The following XKR9 variants were observed in gnomAD, a reference collection of about 807,000 sequenced individuals.
XKR9 encodes XK-related protein 9.
In XKR9, 32 loss-of-function variants were observed where a neutral mutation model predicts 32.0. That is an observed-to-expected ratio of 1.00 (90% CI 0.76 to 1.34). The LOEUF is 1.34. XKR9 is among the 40% of genes most tolerant of loss of function. The pLI is 0.00. For missense variants in XKR9, 546 were observed against 429.7 expected (o/e 1.27, Z -2.39); for synonymous variants, 168 against 143.4 (o/e 1.17, Z -1.22).
chr8:70,708,257 G>T (rs778062355), intron 4 of XKR9, among the ~76,000 whole-genome samples: 20 of 151,950 alleles, frequency 1.3e-4, no homozygotes, highest in Non-Finnish European at 2.7e-4. Context: ...GAAACTAGAG[G>T]TACAAAATTT....
At chr8:70,941,501 A>G in the XKR9 span, among the ~76,000 whole-genome samples, 3 of 152,122 alleles carry the variant, frequency 2.0e-5, no homozygotes, top group Non-Finnish European at 4.4e-5. Flanking sequence ...GAGCAAGCCA[A>G]CAGAGTTAGC....
chr8:70,728,316 A>T (rs1301224367), intron 4 of XKR9, among the ~76,000 whole-genome samples: 1 of 152,114 alleles, frequency 6.6e-6, no homozygotes, highest in Non-Finnish European at 1.5e-5. Flanking sequence ...GACTTCTCTA[A>T]CTTCTTCCTG....
intron 2 of XKR9, among the ~76,000 whole-genome samples, chr8:70,788,909 A>C (rs1807726827): frequency 6.6e-6 from 1 of 152,102 alleles, no homozygotes; most frequent in Admixed American, 6.6e-5. Context: ...AACAAACTAA[A>C]ATCTGAACAT....
At chr8:70,776,507 G>C (rs1182433118) in intron 2 of XKR9, among the ~76,000 whole-genome samples, 4 of 152,072 alleles carry the variant, frequency 2.6e-5, no homozygotes, top group African/African-American at 9.6e-5. Context: ...GATGCTATCA[G>C]GGTCTTAGAT....
At chr8:70,977,232 T>A in the XKR9 span, among the ~76,000 whole-genome samples, 1 of 152,184 alleles carries the variant, frequency 6.6e-6, no homozygotes, top group African/African-American at 2.4e-5. Flanking sequence ...TTTGTGTCTC[T>A]ATCTCCTTCA....
chr8:70,881,069 T>C, the XKR9 span, among the ~76,000 whole-genome samples: 61 of 152,316 alleles, frequency 4.0e-4, no homozygotes, highest in East Asian at 2.5e-3. Flanking sequence ...GCTAGCCATA[T>C]GTAGAAAACT....
downstream of XKR9, among the ~76,000 whole-genome samples, chr8:70,793,498 C>T (rs7822474): frequency 0.32 from 48,389 of 151,876 alleles, 9,072 homozygotes; most frequent in Non-Finnish European, 0.43. Flanking sequence ...AGAGTACACC[C>T]CACTAGCACA....
the XKR9 span, among the ~76,000 whole-genome samples, chr8:70,938,699 C>T: frequency 4.6e-5 from 7 of 151,954 alleles, no homozygotes; most frequent in East Asian, 1.9e-4. Context: ...TTTCGCTGGC[C>T]GTTTAGTAAC....
chr8:70,876,709 CAA>C, the XKR9 span, among the ~76,000 whole-genome samples: 7 of 151,934 alleles, frequency 4.6e-5, no homozygotes, highest in African/African-American at 1.7e-4. Flanking sequence ...TAGTAAAAAC[CAA>C]AAGAGTAACA....
At chr8:70,757,369 A>G (rs1028655347) in intron 2 of XKR9, among the ~76,000 whole-genome samples, 1 of 151,790 alleles carries the variant, frequency 6.6e-6, no homozygotes, top group Non-Finnish European at 1.5e-5. Context: ...CCAGTTTGCA[A>G]GTTCTTTTTT....
At chr8:70,683,355 C>T (rs1819149572) in intron 3 of XKR9, among the ~76,000 whole-genome samples, 1 of 152,088 alleles carries the variant, frequency 6.6e-6, no homozygotes, top group South Asian at 2.1e-4. Context: ...TTTTTAATCC[C>T]ACTAGATATT....
At chr8:70,829,359 G>C in the XKR9 span, among the ~76,000 whole-genome samples, 1 of 152,204 alleles carries the variant, frequency 6.6e-6, no homozygotes, top group African/African-American at 2.4e-5. Flanking sequence ...ACTGCTGGAG[G>C]TTTTCAGGAC....
chr8:70,733,851 A>AGTAG lies in XKR9; in HGVS notation c.550_553dup (p.Ala185GlyfsTer9). On this transcript the variant is annotated frameshift_variant, in exon 5 of 5. Transcript: ENST00000408926. LOFTEE classifies it high-confidence loss of function. Reference sequence around the variant, plus strand: ...TTTCTTGGTCAACTGTTGATTATCAAGTAGCTTTAAGAAAATCCTTGCCTG... The same window carrying AGTAG: ...TTTCTTGGTCAACTGTTGATTATCAAGTAGGTAGCTTTAAGAAAATCCTTGCCTG... 6.2e-7 allele frequency: 1 copy of AGTAG among 1,605,914 alleles called. No homozygotes were observed. Among genetic ancestry groups the AGTAG allele is most frequent in the Non-Finnish European group, 8.5e-7 (1 of 1,177,796 alleles).
At chr8:70,724,622 A>C (rs1218965127) in intron 4 of XKR9, among the ~76,000 whole-genome samples, 1 of 152,082 alleles carries the variant, frequency 6.6e-6, no homozygotes, top group African/African-American at 2.4e-5. Context: ...TCCCTTGGCT[A>C]GGGGAGGGAG....
chr8:70,793,428 C>T (rs1011195539), downstream of XKR9, among the ~76,000 whole-genome samples: 12 of 152,038 alleles, frequency 7.9e-5, no homozygotes, highest in African/African-American at 2.9e-4. Flanking sequence ...GAAGAGAGAC[C>T]TGAGCTAGCA....
At chr8:70,900,572 G>C in the XKR9 span, among the ~76,000 whole-genome samples, 2 of 152,042 alleles carry the variant, frequency 1.3e-5, no homozygotes, top group Non-Finnish European at 2.9e-5. Context: ...CTGGGCAAAA[G>C]AGTGAGACTC....
chr8:70,721,318 C>T (rs1277479527), intron 4 of XKR9, among the ~76,000 whole-genome samples: 4 of 152,070 alleles, frequency 2.6e-5, no homozygotes, highest in South Asian at 2.1e-4. Context: ...CTGCTCTGAG[C>T]TTAGTTATTT....
At chr8:70,909,625 A>G in the XKR9 span, among the ~76,000 whole-genome samples, 1 of 151,762 alleles carries the variant, frequency 6.6e-6, no homozygotes, top group East Asian at 1.9e-4. Flanking sequence ...CCTGTGTGAC[A>G]GAGTGAGACC....
the XKR9 span, among the ~76,000 whole-genome samples, chr8:71,006,505 T>A: frequency 2.0e-5 from 3 of 152,186 alleles, no homozygotes; most frequent in East Asian, 5.8e-4. Flanking sequence ...GTGGATGGGG[T>A]GTCCATGAGG....
Sources: allele counts gnomAD v4.1 joint callset (sites outside exome capture counted in the v4.1 genomes callset), GRCh38; gene constraint gnomAD v4.1.1; transcripts MANE v1.5; gene names NCBI Gene and HGNC (gene_info 2026-07-23, HGNC 2026-07-21).